Variants in R3HDM2 observed in about 807,000 individuals in gnomAD.
The protein encoded by R3HDM2 is R3H domain-containing protein 2.
In R3HDM2, 38 loss-of-function variants were observed where a neutral mutation model predicts 124.5. The observed-to-expected ratio is 0.31, with a 90% CI of 0.24 to 0.40. The LOEUF (loss-of-function observed/expected upper bound fraction) is 0.40, where lower values mean the gene tolerates loss of function less well. R3HDM2 is among the 10% of genes least tolerant of loss of function. R3HDM2 has a pLI of 1.00. For missense variants in R3HDM2, 869 were observed against 1,236.9 expected (o/e 0.70, Z 4.46); for synonymous variants, 391 against 448.0 (o/e 0.87, Z 1.61).
chr12:57,338,884 ATTAATAATAATG>A (rs2059201892), intron 2 of R3HDM2, among the ~76,000 whole-genome samples: 2 of 152,018 alleles, frequency 1.3e-5, no homozygotes, highest in African/African-American at 2.4e-5. Context: ...ATTTCTAAAT[ATTAATAATAATG>A]GCTAATGCTA....
intron 10 of R3HDM2, 52 bp downstream of exon 10, chr12:57,295,347 G>T: frequency 7.8e-7 from 1 of 1,285,278 alleles, no homozygotes; most frequent in Non-Finnish European, 1.1e-6. Flanking sequence ...TCCCTTCCCA[G>T]TTTCTCTTAC....
At chr12:57,413,902 G>A (rs1267661718) in intron 1 of R3HDM2, among the ~76,000 whole-genome samples, 4 of 139,350 alleles carry the variant, frequency 2.9e-5, no homozygotes, top group African/African-American at 8.1e-5. Context: ...GCTGGAGTAC[G>A]TGGCACGGTC....
intron 2 of R3HDM2, among the ~76,000 whole-genome samples, chr12:57,330,110 G>T (rs559354531): frequency 2.6e-4 from 39 of 152,120 alleles, no homozygotes; most frequent in African/African-American, 8.2e-4. Flanking sequence ...GGGATTACAG[G>T]CATGCACTGA....
chr12:57,362,305 C>T (rs879401357), intron 2 of R3HDM2, among the ~76,000 whole-genome samples: 5 of 152,156 alleles, frequency 3.3e-5, no homozygotes, highest in Non-Finnish European at 7.4e-5. Flanking sequence ...AAGACTTTTA[C>T]GATGATCCAC....
At chr12:57,287,896 G>A (rs1186575578) in intron 12 of R3HDM2, among the ~76,000 whole-genome samples, 1 of 152,090 alleles carries the variant, frequency 6.6e-6, no homozygotes, top group Admixed American at 6.6e-5. Context: ...GGGAAATGGA[G>A]GACACTGGGA....
chr12:57,350,588 G>A (rs2060579550), intron 2 of R3HDM2, among the ~76,000 whole-genome samples: 2 of 152,224 alleles, frequency 1.3e-5, no homozygotes, highest in Admixed American at 6.5e-5. Flanking sequence ...AGCTATGATT[G>A]TACCACTGCA....
rs1323849944 is a variant in R3HDM2, at chr12:57,406,697, G to GATT, written c.-105-10882_-105-10880dup. 3.9e-5 allele frequency among the ~76,000 whole-genome samples: 6 copies of GATT among 152,160 alleles called. No individual in the cohort carries two copies. The East Asian group carries it at 1.2e-3, about 29-fold the overall frequency. ...ACAGCTGCTGACATCATAAAAGGGA[G>GATT]ATTAATAGACATCACATGCCCTTGA... On this transcript the variant is annotated intron_variant, in intron 1 of 23. Transcript: ENST00000402412.
intron 1 of R3HDM2, among the ~76,000 whole-genome samples, chr12:57,406,517 T>C (rs1232699959): frequency 3.3e-5 from 5 of 152,146 alleles, no homozygotes; most frequent in African/African-American, 1.2e-4. Context: ...CTATACAAAT[T>C]GTACCTCAGA....
At chr12:57,411,853 G>T (rs183379405) in intron 1 of R3HDM2, among the ~76,000 whole-genome samples, 10 of 152,350 alleles carry the variant, frequency 6.6e-5, no homozygotes, top group Admixed American at 6.5e-4. Flanking sequence ...ATACCTGGGT[G>T]TTGACGGAGA....
intron 11 of R3HDM2, 145 bp downstream of exon 11, chr12:57,292,427 G>C (rs1362180825): frequency 1.7e-6 from 1 of 579,900 alleles, no homozygotes; most frequent in Non-Finnish European, 3.0e-6. Context: ...TAGTTTTAGA[G>C]ATCAAATCTA....
intron 2 of R3HDM2, among the ~76,000 whole-genome samples, chr12:57,321,505 G>A (rs931715174): frequency 1.3e-5 from 2 of 152,018 alleles, no homozygotes; most frequent in Non-Finnish European, 2.9e-5. Context: ...GCAAAAATTA[G>A]CCGGGTGTGG....
chr12:57,419,076 CCTAAATATATCTTT>C (rs1190483035), intron 1 of R3HDM2, among the ~76,000 whole-genome samples: 2 of 151,872 alleles, frequency 1.3e-5, no homozygotes, highest in African/African-American at 4.8e-5. Context: ...AAAATCAGGC[CCTAAATATATCTTT>C]CTCTTCAGTC....
At chr12:57,315,492 T>G (rs2054822266) in intron 2 of R3HDM2, among the ~76,000 whole-genome samples, 1 of 152,246 alleles carries the variant, frequency 6.6e-6, no homozygotes, top group Admixed American at 6.5e-5. Context: ...GTGGTTTGTT[T>G]CTTTTTCAAG....
chr12:57,313,773 C>A (rs1302940787), intron 2 of R3HDM2, among the ~76,000 whole-genome samples: 2 of 148,070 alleles, frequency 1.4e-5, no homozygotes, highest in Non-Finnish European at 3.0e-5. Context: ...CCCAGCTACT[C>A]GGGAGGCTGA....
chr12:57,304,663 T>G, intron 3 of R3HDM2: 3 of 273,188 alleles, frequency 1.1e-5, no homozygotes, highest in Non-Finnish European at 1.7e-5. Context: ...TATGAAGCAG[T>G]ATTTGTCACT....
At chr12:57,356,874 G>A (rs1482285849) in intron 2 of R3HDM2, among the ~76,000 whole-genome samples, 3 of 152,168 alleles carry the variant, frequency 2.0e-5, no homozygotes, top group African/African-American at 4.8e-5. Context: ...TTGGGAGGCC[G>A]AGGCGGGCGA....
intron 2 of R3HDM2, among the ~76,000 whole-genome samples, chr12:57,330,700 T>C (rs1340255867): frequency 2.9e-4 from 40 of 137,184 alleles, no homozygotes; most frequent in African/African-American, 6.8e-4. Context: ...TTTTCTTTTT[T>C]TTTTTTTTTT....
chr12:57,319,964 A>G (rs1239612762), intron 2 of R3HDM2, among the ~76,000 whole-genome samples: 2 of 152,078 alleles, frequency 1.3e-5, no homozygotes, highest in Non-Finnish European at 2.9e-5. Context: ...AAAGAAAGCA[A>G]CCAACTAAAA....
intron 1 of R3HDM2, among the ~76,000 whole-genome samples, chr12:57,430,132 A>G (rs531647298): frequency 6.6e-6 from 1 of 152,310 alleles, no homozygotes; most frequent in Non-Finnish European, 1.5e-5. Context: ...CTAAGTCAGT[A>G]TTCCTGGTAG....
Sources: allele counts gnomAD v4.1 joint callset (sites outside exome capture counted in the v4.1 genomes callset), GRCh38; gene constraint gnomAD v4.1.1; transcripts MANE v1.5; gene names NCBI Gene and HGNC (gene_info 2026-07-23, HGNC 2026-07-21).